The following RPS6KA1 variants were observed in gnomAD, a reference collection of about 807,000 sequenced individuals.
RPS6KA1 encodes the protein ribosomal protein S6 kinase A1, also known as ribosomal protein S6 kinase alpha-1.
A neutral mutation model predicts 91.3 loss-of-function variants in RPS6KA1; 48 were observed. That is an observed-to-expected ratio of 0.53 (90% CI 0.42 to 0.67). The LOEUF is 0.67. Ranked by LOEUF, RPS6KA1 falls within the 30% of genes least tolerant of loss-of-function variation. The pLI is 0.00. For synonymous variants in RPS6KA1, 359 were observed against 384.7 expected (o/e 0.93, Z 0.78); for missense variants, 719 against 960.5 (o/e 0.75, Z 3.32).
At chr1:26,556,360 C>G (rs2076101565) in intron 11 of RPS6KA1, among the ~76,000 whole-genome samples, 1 of 152,204 alleles carries the variant, frequency 6.6e-6, no homozygotes, top group Non-Finnish European at 1.5e-5. Context: ...GGTCTCAGAA[C>G]AAGCTCAGCT....
chr1:26,542,468 T>C (rs989204453), intron 2 of RPS6KA1, among the ~76,000 whole-genome samples: 4 of 152,192 alleles, frequency 2.6e-5, no homozygotes, highest in African/African-American at 9.7e-5. Context: ...TGTGTGTGCA[T>C]GTCAGTGCCT....
chr1:26,544,907 G>A (rs2075978900), intron 2 of RPS6KA1, among the ~76,000 whole-genome samples: 1 of 151,512 alleles, frequency 6.6e-6, no homozygotes. Flanking sequence ...TACCTATTGG[G>A]TATATGTCCC....
At chr1:26,537,612 A>C (rs146946307) in intron 2 of RPS6KA1, among the ~76,000 whole-genome samples, 399 of 151,978 alleles carry the variant, frequency 2.6e-3, no homozygotes, top group African/African-American at 9.1e-3. Context: ...TTCCTTGTAC[A>C]CTCTGGGCCT....
Position 26,551,292 on chromosome 1 carries a change from C to T in RPS6KA1, c.308-105C>T. ...GCCCTGGGTGAGGGGGCTTTGGGAG[C>T]TCAGGCCTGGAGGAACAAGTGGAAA... On this transcript the variant is annotated intron_variant, in intron 4 of 21. Transcript: ENST00000374168. This position sits in a 1 kb window ranked among gnomAD's most constrained non-coding sequence, Gnocchi z 4.5. 1.0e-6 allele frequency: 1 copy of T among 978,172 alleles called. No individual in the cohort carries two copies. The highest frequency in any genetic ancestry group is 1.6e-6 in the Non-Finnish European group (1 of 623,866). 60.6% of individuals were successfully genotyped at this position (978,172 alleles called of 1,614,324 possible).
chr1:26,554,033 A>T lies in RPS6KA1; in HGVS notation c.576-181A>T. 1 of 585,524 alleles carries T rather than the reference A, an allele frequency of 1.7e-6. No homozygotes were observed. The highest frequency in any genetic ancestry group is 3.0e-6 in the Non-Finnish European group (1 of 333,678). 36.3% of individuals were successfully genotyped at this position (585,524 alleles called of 1,614,324 possible). ...TCACACAGTTGCTTCAAGGATTAGC[A>T]AAAAAGATAGGCAACACCCCTGCGT... is the stretch of plus-strand genomic sequence containing the variant. On this transcript the variant is annotated intron_variant, in intron 7 of 21. Transcript: ENST00000374168. The surrounding 1 kb of genome is among the most constrained non-coding windows in gnomAD (Gnocchi z 4.6).
At chr1:26,573,413 A>G (rs758225271) in intron 21 of RPS6KA1, 52 bp downstream of exon 21, 19 of 1,607,468 alleles carry the variant, frequency 1.2e-5, no homozygotes, top group Non-Finnish European at 1.4e-5. Context: ...CCAAGGTGGC[A>G]TGGTCAGGGA....
At chr1:26,559,525 C>T (rs1003045136) in intron 14 of RPS6KA1, among the ~76,000 whole-genome samples, 1 of 151,638 alleles carries the variant, frequency 6.6e-6, no homozygotes, top group Non-Finnish European at 1.5e-5. Context: ...CACCACCACA[C>T]CCAGCTAATT....
intron 21 of RPS6KA1, among the ~76,000 whole-genome samples, 170 bp from the exon 22 acceptor site, chr1:26,573,909 G>T (rs2076272559): frequency 1.3e-5 from 2 of 151,330 alleles, no homozygotes; most frequent in South Asian, 4.2e-4. Flanking sequence ...TTGCGTTCCA[G>T]CCTGGGTGAC....
intron 7 of RPS6KA1, 25 bp downstream of exon 7, chr1:26,553,522 C>G (rs1027654331): frequency 8.6e-6 from 13 of 1,513,656 alleles, no homozygotes; most frequent in Non-Finnish European, 1.2e-5. Context: ...CAGCCCCACC[C>G]CAGCCTCCCC....
At position 26,555,479 on chromosome 1, in the gene RPS6KA1, G is replaced by T; in HGVS notation, c.828-58G>T. 1 of 1,483,612 alleles carries T rather than the reference G, an allele frequency of 6.7e-7. No homozygotes were observed. The highest frequency in any genetic ancestry group is 9.2e-7 in the Non-Finnish European group (1 of 1,085,254). 91.9% of individuals were successfully genotyped at this position (1,483,612 alleles called of 1,614,324 possible). On this transcript the variant is annotated intron_variant, in intron 10 of 21. Coordinates refer to ENST00000374168, the MANE Select transcript of RPS6KA1 (RefSeq NM_002953.4). The surrounding 1 kb of genome is among the most constrained non-coding windows in gnomAD (Gnocchi z 4.3). ...GGAACTAGATCTGGACAGGGGCCGG[G>T]GGAGATGGGGCCTCTGGGGCAGGGC...
intron 7 of RPS6KA1, 86 bp downstream of exon 7, chr1:26,553,583 T>C (rs2076073208): frequency 5.0e-6 from 4 of 795,222 alleles, no homozygotes; most frequent in Admixed American, 2.3e-5. Flanking sequence ...TGGGCATGGC[T>C]TTCTCCAGAA....
chr1:26,556,841 C>A, intron 12 of RPS6KA1, 123 bp downstream of exon 12: 1 of 1,303,018 alleles, frequency 7.7e-7, no homozygotes, highest in Non-Finnish European at 1.1e-6. Flanking sequence ...GGGTCACAGC[C>A]TGCCCTTGAA....
intron 4 of RPS6KA1, among the ~76,000 whole-genome samples, chr1:26,550,214 C>T (rs1480404060): frequency 1.5e-5 from 2 of 129,172 alleles, no homozygotes; most frequent in African/African-American, 5.8e-5. Flanking sequence ...GGCAGAGTCT[C>T]ACTCTGTCAC....
intron 15 of RPS6KA1, 46 bp from the exon 16 acceptor site, chr1:26,560,999 T>C (rs1224245656): frequency 1.9e-6 from 3 of 1,604,676 alleles, no homozygotes; most frequent in South Asian, 2.2e-5. Context: ...GAAAGGACCC[T>C]GGACCCTGTC....
At chr1:26,560,588 T>C in intron 14 of RPS6KA1, 138 bp from the exon 15 acceptor site, 1 of 1,077,860 alleles carries the variant, frequency 9.3e-7, no homozygotes, top group Non-Finnish European at 1.4e-6. Context: ...TCACCTGCGG[T>C]CACATGGCCA....
Position 26,547,669 on chromosome 1 carries a change from G to C in RPS6KA1, c.307+399G>C, listed in dbSNP as rs939471273. On this transcript the variant is annotated intron_variant, in intron 4 of 21. Transcript: ENST00000374168. The surrounding 1 kb of genome is among the most constrained non-coding windows in gnomAD (Gnocchi z 4.1). ...GCAGGGAGCCCAGGGAGGCAGCTGG[G>C]CTAGGCAAGAGAGGGTGAGTCCAGG... 2.1e-5 allele frequency: 5 copies of C among 233,792 alleles called. No individual in the cohort carries two copies. Among genetic ancestry groups the C allele is most frequent in the Non-Finnish European group, 3.5e-5 (4 of 114,000 alleles). 14.5% of individuals were successfully genotyped at this position (233,792 alleles called of 1,614,324 possible).
At chr1:26,536,578 C>A (rs887480202) in intron 1 of RPS6KA1, among the ~76,000 whole-genome samples, 2 of 152,216 alleles carry the variant, frequency 1.3e-5, no homozygotes, top group Non-Finnish European at 2.9e-5. Context: ...AGGTTTGTAT[C>A]TGGTAGAGCT....
chr1:26,561,470 TG>T lies in RPS6KA1; in HGVS notation c.1432-31del. 1 of 1,613,814 alleles carries T rather than the reference TG, an allele frequency of 6.2e-7. No homozygotes were observed. ...TGACCAGGGGGCTCAGGCCTGACAC[TG>T]GGGAGAAGAGCCTGATGGTGAGGTC... On this transcript the variant is annotated intron_variant, in intron 16 of 21. Coordinates refer to ENST00000374168, the MANE Select transcript of RPS6KA1 (RefSeq NM_002953.4). The surrounding 1 kb of genome is among the most constrained non-coding windows in gnomAD (Gnocchi z 5.7).
At chr1:26,557,173 G>T in intron 13 of RPS6KA1, 73 bp downstream of exon 13, 1 of 1,223,444 alleles carries the variant, frequency 8.2e-7, no homozygotes, top group East Asian at 2.4e-5. Flanking sequence ...GCAGCTTGGG[G>T]GGCAGAGATA....
Sources: allele counts gnomAD v4.1 joint callset (sites outside exome capture counted in the v4.1 genomes callset), GRCh38; gene constraint gnomAD v4.1.1; non-coding constraint Gnocchi (gnomAD v3.1); transcripts MANE v1.5; gene names NCBI Gene and HGNC (gene_info 2026-07-23, HGNC 2026-07-21).